The following CLDN10 variants were observed in gnomAD, a reference collection of about 807,000 sequenced individuals.
CLDN10 encodes claudin-10.
CLDN10 carries 15 observed loss-of-function variants against 22.9 expected under a neutral mutation model. That is an observed-to-expected ratio of 0.65 (90% confidence interval 0.44 to 1.01). The LOEUF is 1.01. Ranked by LOEUF, CLDN10 falls within the 50% of genes least tolerant of loss-of-function variation. The pLI is 0.00. For synonymous variants in CLDN10, 114 were observed against 111.4 expected, an observed-to-expected ratio of 1.02 and a Z score of -0.15; for missense variants, 247 against 287.8, an observed-to-expected ratio of 0.86 and a Z score of 1.03.
intron 3 of CLDN10, among the ~76,000 whole-genome samples, chr13:95,575,328 G>A (rs1342531378): frequency 6.6e-6 from 1 of 152,232 alleles, no homozygotes; most frequent in Non-Finnish European, 1.5e-5. Context: ...GGTGCCAACA[G>A]ACAGATCTGA....
intron 1 of CLDN10, among the ~76,000 whole-genome samples, chr13:95,435,875 C>T (rs1258469424): frequency 6.6e-6 from 1 of 151,366 alleles, no homozygotes; most frequent in Non-Finnish European, 1.5e-5. Flanking sequence ...AGGCTGGTCT[C>T]GATCTCCTGA....
intron 1 of CLDN10, among the ~76,000 whole-genome samples, chr13:95,554,550 G>A (rs758933122): frequency 2.0e-5 from 3 of 152,148 alleles, no homozygotes; most frequent in Non-Finnish European, 4.4e-5. Context: ...TAGTTGTCCT[G>A]GTTAGCTGGG....
chr13:95,520,805 C>A (rs1594584044), intron 1 of CLDN10, among the ~76,000 whole-genome samples: 1 of 152,064 alleles, frequency 6.6e-6, no homozygotes, highest in Non-Finnish European at 1.5e-5. Flanking sequence ...ACATAGTGAA[C>A]CCCATCTTTA....
intron 1 of CLDN10, among the ~76,000 whole-genome samples, chr13:95,546,507 GA>G (rs549854218): frequency 4.2e-4 from 63 of 151,718 alleles, no homozygotes; most frequent in Non-Finnish European, 8.5e-4. Context: ...ACATTTTGAA[GA>G]AAAAAAACTC....
At chr13:95,467,038 G>GT (rs71113934) in intron 1 of CLDN10, among the ~76,000 whole-genome samples, 13,210 of 127,338 alleles carry the variant, frequency 0.1, 1,073 homozygotes, top group East Asian at 0.3. Flanking sequence ...CACCATGCCC[G>GT]TTTTTTTTTT....
At chr13:95,475,156 ATCAGAG>A (rs1179505779) in intron 1 of CLDN10, among the ~76,000 whole-genome samples, 3 of 45,368 alleles carry the variant, frequency 6.6e-5, no homozygotes, top group Non-Finnish European at 9.9e-5. Flanking sequence ...CACAACTCGG[ATCAGAG>A]GATCAGACGG....
intron 1 of CLDN10, among the ~76,000 whole-genome samples, chr13:95,513,350 A>T (rs1014459034): frequency 6.6e-6 from 1 of 152,250 alleles, no homozygotes; most frequent in Non-Finnish European, 1.5e-5. Context: ...TATAGTTTAC[A>T]TAACAAGGGG....
intron 1 of CLDN10, among the ~76,000 whole-genome samples, chr13:95,439,085 T>C (rs2042299826): frequency 6.6e-6 from 1 of 152,022 alleles, no homozygotes; most frequent in South Asian, 2.1e-4. Flanking sequence ...GGGAGCCATC[T>C]GATGTCATCA....
chr13:95,466,271 C>CT (rs533013778), intron 1 of CLDN10, among the ~76,000 whole-genome samples: 222 of 151,384 alleles, frequency 1.5e-3, no homozygotes, highest in Middle Eastern at 3.4e-3. Context: ...CTTTTTCTTT[C>CT]TTTTTTTTGA....
chr13:95,577,415 G>A lies in CLDN10; in HGVS notation c.572+77G>A. 4 of 940,960 alleles carry A rather than the reference G, an allele frequency of 4.3e-6. No individual in the cohort carries two copies. In the South Asian group the frequency reaches 5.4e-5, roughly 13 times the overall value. The allele number at this position is 940,960 out of a possible 1,614,324, so 58.3% of individuals were successfully genotyped here. A position where few individuals can be genotyped will look rare whatever the true frequency, so the allele number is the denominator to read the frequency against. ...ATCATTACATGTGGAACAAATTACA[G>A]ATAGTTCATATGATTCTTAGAAACT... is the stretch of plus-strand genomic sequence containing the variant. On this transcript the variant is annotated intron_variant, in intron 4 of 4. Coordinates refer to ENST00000299339, the MANE Select transcript of CLDN10 (RefSeq NM_006984.5).
intron 1 of CLDN10, among the ~76,000 whole-genome samples, chr13:95,517,317 G>A (rs2043179487): frequency 6.6e-6 from 1 of 152,156 alleles, no homozygotes; most frequent in African/African-American, 2.4e-5. Flanking sequence ...TTGCCCTTGG[G>A]GAGCTCTTCC....
chr13:95,536,667 G>A (rs990332110), intron 1 of CLDN10, among the ~76,000 whole-genome samples: 2 of 152,120 alleles, frequency 1.3e-5, no homozygotes, highest in African/African-American at 2.4e-5. Context: ...CCATCTATGC[G>A]TTGCAGTTAC....
chr13:95,556,817 T>A lies in CLDN10; in HGVS notation c.221-3315T>A, dbSNP rs540225672. ...ATCCATCAACTAGCACAGGTGCTAT[T>A]AGCGAATTGTCTCCACCAAGTGGAT... On this transcript the variant is annotated intron_variant, in intron 1 of 4. Coordinates refer to ENST00000299339, the MANE Select transcript of CLDN10 (RefSeq NM_006984.5). Among the ~76,000 whole-genome samples, 80 of 152,258 alleles carry A rather than the reference T, an allele frequency of 5.3e-4. 1 individual carries two copies. The highest frequency in any genetic ancestry group is 1.1e-3 in the Non-Finnish European group (75 of 68,044).
At chr13:95,434,036 T>A (rs2042238853) in exon 1 of CLDN10, 1 of 1,613,796 alleles carries the variant, frequency 6.2e-7, no homozygotes, top group Non-Finnish European at 8.5e-7. Context: ...TTTACTATCT[T>A]CAAAGTAGCA....
intron 1 of CLDN10, among the ~76,000 whole-genome samples, chr13:95,511,210 CAAA>C (rs1305299715): frequency 1.3e-5 from 2 of 152,012 alleles, no homozygotes; most frequent in East Asian, 3.9e-4. Flanking sequence ...TGTAAGAACT[CAAA>C]ATAGCAAGGA....
intron 3 of CLDN10, among the ~76,000 whole-genome samples, chr13:95,564,629 G>C (rs1266903778): frequency 6.6e-6 from 1 of 152,158 alleles, no homozygotes; most frequent in Non-Finnish European, 1.5e-5. Flanking sequence ...CTTCTTTGTA[G>C]ATTTCCAGGA....
Position 95,544,585 on chromosome 13 carries a change from A to T in CLDN10, c.215-15547A>T, listed in dbSNP as rs532666139. Among the ~76,000 whole-genome samples the T allele has an allele frequency of 1.1e-4, 16 of 152,324 alleles. No individual in the cohort carries two copies. In the South Asian group the frequency reaches 2.9e-3, roughly 28 times the overall value. On this transcript the variant is annotated intron_variant, in intron 1 of 4. Transcript: ENST00000376873. ...AACCACAAAGAGAGGTGTGTCTGTT[A>T]TCAGTCTGCCATATTATCAGCATAC...
intron 1 of CLDN10, among the ~76,000 whole-genome samples, chr13:95,498,397 T>C (rs553404238): frequency 7.9e-5 from 12 of 152,266 alleles, no homozygotes; most frequent in African/African-American, 2.2e-4. Context: ...ATACTCTTTT[T>C]TCTTTTTTCT....
intron 1 of CLDN10, among the ~76,000 whole-genome samples, chr13:95,474,544 T>C (rs2042666529): frequency 6.6e-6 from 1 of 152,026 alleles, no homozygotes; most frequent in Non-Finnish European, 1.5e-5. Context: ...AGCGGAGAAA[T>C]AGGCCCACCT....
Sources: gnomAD v4.1 joint callset for allele counts (sites outside exome capture counted in the v4.1 genomes callset) on GRCh38, gnomAD v4.1.1 for gene constraint, MANE v1.5 for transcripts, NCBI Gene and HGNC (gene_info 2026-07-23, HGNC 2026-07-21) for gene names.